Variants in LPIN2 observed in about 807,000 individuals in gnomAD.
LPIN2 encodes lipin 2.
A neutral mutation model predicts 111.4 loss-of-function variants in LPIN2; 55 were observed. The observed-to-expected ratio is 0.49, with a 90% CI of 0.40 to 0.62. The LOEUF is 0.62. Among genes scored for constraint, LPIN2 ranks in the 20% least tolerant of loss-of-function variants. The pLI, the probability that LPIN2 is intolerant of heterozygous loss-of-function variation, is 0.00. For synonymous variants in LPIN2, 425 were observed against 414.0 expected, an observed-to-expected ratio of 1.03 and a Z score of -0.32; for missense variants, 992 against 1,112.1, an observed-to-expected ratio of 0.89 and a Z score of 1.54.
At chr18:2,950,122 A>G (rs2077511876) in intron 4 of LPIN2, 1 of 152,184 alleles carries the variant, frequency 6.6e-6, no homozygotes, top group East Asian at 1.9e-4. Context: ...AAAACAAAAC[A>G]AAGCATATTT....
At chr18:2,996,495 T>TTTA (rs1383642994) in intron 1 of LPIN2, among the ~76,000 whole-genome samples, 2 of 104,226 alleles carry the variant, frequency 1.9e-5, no homozygotes, top group African/African-American at 7.5e-5. Flanking sequence ...TTTTTTTTTT[T>TTTA]GAGACAGAGT....
rs557343890 is a variant in LPIN2, at chr18:2,997,416, T to C, written c.-10+15671A>G. On this transcript the variant is annotated intron_variant, in intron 1 of 19. Coordinates refer to ENST00000677752, the MANE Select transcript of LPIN2 (RefSeq NM_001375808.2). ...TGCTGGGATTACAAGCATGAGCCAC[T>C]GCACCTGGCAGAGGCTTGTATTTTT... is the stretch of plus-strand genomic sequence containing the variant. Among the ~76,000 whole-genome samples, 10 of 49,202 alleles carry C rather than the reference T, an allele frequency of 2.0e-4. No individual in the cohort carries two copies. In the South Asian group the frequency reaches 4.5e-3, roughly 22 times the overall value. 32.3% of individuals were successfully genotyped at this position (49,202 alleles called of 152,430 possible).
chr18:2,965,731 C>CAA (rs35530040), intron 1 of LPIN2, among the ~76,000 whole-genome samples: 9,008 of 102,750 alleles, frequency 0.088, 672 homozygotes, highest in Non-Finnish European at 0.095. Flanking sequence ...CTCCCAATCT[C>CAA]AAAAAAAAAA....
intron 4 of LPIN2, 45 bp downstream of exon 4, chr18:2,951,010 A>C: frequency 6.2e-7 from 1 of 1,609,648 alleles, no homozygotes; most frequent in Middle Eastern, 2.0e-4. Flanking sequence ...CTTCACATGA[A>C]CTCTAGGTAC....
chr18:2,935,698 TAGA>T (rs1220083500), intron 7 of LPIN2, among the ~76,000 whole-genome samples: 1 of 152,200 alleles, frequency 6.6e-6, no homozygotes, highest in East Asian at 1.9e-4. Flanking sequence ...TTCACATTCT[TAGA>T]AGGTATATCC....
At chr18:3,012,897 G>A (rs1484121474) in intron 1 of LPIN2, among the ~76,000 whole-genome samples, 190 bp downstream of exon 1, 1 of 151,556 alleles carries the variant, frequency 6.6e-6, no homozygotes, top group Admixed American at 6.6e-5. Context: ...GCGAGGCGGG[G>A]ACTGGGACGC....
chr18:2,934,860 G>C (rs147273959), intron 7 of LPIN2, among the ~76,000 whole-genome samples: 1 of 152,146 alleles, frequency 6.6e-6, no homozygotes, highest in South Asian at 2.1e-4. Flanking sequence ...ATATTCACAT[G>C]GTGCCCAAGT....
intron 3 of LPIN2, 93 bp downstream of exon 3, chr18:2,954,411 T>C (rs996578263): frequency 1.4e-5 from 12 of 839,192 alleles, no homozygotes; most frequent in Non-Finnish European, 2.3e-5. Context: ...CTCTGTACAA[T>C]CAACCATAAA....
intron 12 of LPIN2, 78 bp downstream of exon 12, chr18:2,927,644 C>T: frequency 1.3e-6 from 2 of 1,514,610 alleles, no homozygotes; most frequent in Non-Finnish European, 1.8e-6. Flanking sequence ...ATTCCTGTGC[C>T]TGACAAAAAG....
chr18:2,992,974 CAAAAAAAAA>C (rs59159362), intron 1 of LPIN2, among the ~76,000 whole-genome samples: 1 of 97,362 alleles, frequency 1.0e-5, no homozygotes, highest in Non-Finnish European at 2.1e-5. Flanking sequence ...AGACCCGTCT[CAAAAAAAAA>C]AAAAAAAAAA....
At chr18:2,976,483 T>C (rs11876928) in intron 1 of LPIN2, among the ~76,000 whole-genome samples, 6,692 of 152,296 alleles carry the variant, frequency 0.044, 177 homozygotes, top group Middle Eastern at 0.088. Flanking sequence ...TAGGCTGCCT[T>C]ATCAAAAAGA....
rs768715680 is a variant in LPIN2 at position 2,922,216 on chromosome 18, C to G, written c.2175-17G>C. The G allele has an allele frequency of 6.2e-6, 10 of 1,613,684 alleles. No individual in the cohort carries two copies. The highest frequency in any genetic ancestry group is 8.5e-7 in the Non-Finnish European group (1 of 1,179,848). On this transcript the variant is annotated splice_polypyrimidine_tract_variant and intron_variant, in intron 16 of 19. Coordinates refer to ENST00000677752, the MANE Select transcript of LPIN2 (RefSeq NM_001375808.2). Reference sequence around the variant, plus strand: ...TAGCCATTCCTGAAAGAAAACACACCCTGTTAGCCCACATGTTCTGGCTAA... The same window carrying G: ...TAGCCATTCCTGAAAGAAAACACACGCTGTTAGCCCACATGTTCTGGCTAA...
chr18:2,960,876 T>G, intron 1 of LPIN2, 27 bp from the exon 2 acceptor site: 1 of 1,569,300 alleles, frequency 6.4e-7, no homozygotes, highest in East Asian at 2.3e-5. Context: ...TTAGATGAGA[T>G]GTTAACACTA....
At chr18:2,937,310 G>A (rs925774718) in intron 7 of LPIN2, among the ~76,000 whole-genome samples, 3 of 151,966 alleles carry the variant, frequency 2.0e-5, no homozygotes, top group Non-Finnish European at 4.4e-5. Flanking sequence ...TTGGGAGGCC[G>A]AGGTGGGCAG....
intron 18 of LPIN2, 63 bp downstream of exon 18, chr18:2,921,470 C>T: frequency 3.3e-6 from 4 of 1,227,198 alleles, no homozygotes; most frequent in Non-Finnish European, 4.8e-6. Context: ...GTGGCTACAC[C>T]CCACGAAGTA....
At chr18:2,993,218 G>C (rs1434916446) in intron 1 of LPIN2, among the ~76,000 whole-genome samples, 1 of 150,462 alleles carries the variant, frequency 6.6e-6, no homozygotes, top group Admixed American at 6.6e-5. Flanking sequence ...GAAAGAAGAA[G>C]AAAGAAGAAA....
chr18:2,963,191 G>A (rs2077738983), intron 1 of LPIN2, among the ~76,000 whole-genome samples: 1 of 152,236 alleles, frequency 6.6e-6, no homozygotes, highest in African/African-American at 2.4e-5. Flanking sequence ...CCCTGGGTAT[G>A]ATGAGCAGCT....
chr18:2,983,219 G>C (rs375588660), intron 1 of LPIN2, among the ~76,000 whole-genome samples: 2 of 152,116 alleles, frequency 1.3e-5, no homozygotes, highest in South Asian at 2.1e-4. Flanking sequence ...GACATTTTCC[G>C]AGCAGCAGGG....
intron 1 of LPIN2, among the ~76,000 whole-genome samples, chr18:3,002,924 C>T (rs664607): frequency 0.46 from 70,391 of 151,998 alleles, 18,413 homozygotes; most frequent in Non-Finnish European, 0.59. Flanking sequence ...TCAGCTACTT[C>T]GGGACAAGAG....
Sources: allele counts gnomAD v4.1 joint callset (sites outside exome capture counted in the v4.1 genomes callset), GRCh38; gene constraint gnomAD v4.1.1; transcripts MANE v1.5; gene names NCBI Gene and HGNC (gene_info 2026-07-23, HGNC 2026-07-21).